Variants in CSMD1 observed in about 807,000 individuals in gnomAD.
CSMD1 encodes CUB and Sushi multiple domains 1, also known as CUB and sushi domain-containing protein 1.
A neutral mutation model predicts 417.5 loss-of-function variants in CSMD1; 213 were observed. That is an observed-to-expected ratio of 0.51 (90% CI 0.46 to 0.57). The LOEUF (loss-of-function observed/expected upper bound fraction) is 0.57, where lower values mean the gene tolerates loss of function less well. Ranked by LOEUF, CSMD1 falls within the 20% of genes least tolerant of loss-of-function variation. The pLI, the probability that CSMD1 is intolerant of heterozygous loss-of-function variation, is 0.00. For missense variants in CSMD1, 6,923 were observed against 4,529.7 expected (o/e 1.53, Z -15.17); for synonymous variants, 2,862 against 1,736.8 (o/e 1.65, Z -16.11).
chr8:3,863,214 T>C (rs1055924590), intron 5 of CSMD1, among the ~76,000 whole-genome samples: 3 of 151,940 alleles, frequency 2.0e-5, no homozygotes, highest in African/African-American at 4.8e-5. Context: ...CTGGCCAACA[T>C]AGTGAAACCC....
intron 69 of CSMD1, among the ~76,000 whole-genome samples, chr8:2,941,196 A>T (rs974533840): frequency 6.6e-6 from 1 of 152,206 alleles, no homozygotes; most frequent in Non-Finnish European, 1.5e-5. Flanking sequence ...TTAAAGAAAG[A>T]ACATTACTAG....
chr8:4,459,679 G>A (rs1043397956), intron 2 of CSMD1, among the ~76,000 whole-genome samples: 1 of 152,136 alleles, frequency 6.6e-6, no homozygotes, highest in Non-Finnish European at 1.5e-5. Context: ...AAAGAAGTGT[G>A]GACATAAGAA....
At chr8:4,770,333 A>AAT (rs544514438) in intron 1 of CSMD1, among the ~76,000 whole-genome samples, 353 of 148,266 alleles carry the variant, frequency 2.4e-3, no homozygotes, top group African/African-American at 8.2e-3. Flanking sequence ...TGTACATAGA[A>AAT]ATATATATAT....
At chr8:3,948,682 G>C (rs1354281742) in intron 5 of CSMD1, among the ~76,000 whole-genome samples, 2 of 152,060 alleles carry the variant, frequency 1.3e-5, no homozygotes, top group South Asian at 2.1e-4. Context: ...GGACCAATGA[G>C]TTCTATTCCA....
chr8:4,069,835 G>A lies in CSMD1; in HGVS notation c.416-37736C>T, dbSNP rs535603609. ...CTCACTACTGAAAGAATATCGAAAT[G>A]AAGACTTCTACAAAAGTCTTCTATC... On this transcript the variant is annotated intron_variant, in intron 3 of 69. Coordinates refer to ENST00000635120, the MANE Select transcript of CSMD1 (RefSeq NM_033225.6). 2.0e-4 allele frequency among the ~76,000 whole-genome samples: 30 copies of A among 152,288 alleles called. No individual in the cohort carries two copies. The South Asian group carries it at 6.0e-3, about 31-fold the overall frequency.
chr8:3,163,388 T>G (rs1326550176), intron 37 of CSMD1, among the ~76,000 whole-genome samples: 1 of 147,350 alleles, frequency 6.8e-6, no homozygotes, highest in South Asian at 2.1e-4. Context: ...GTGGAGGAGG[T>G]GAGTAGGACT....
intron 50 of CSMD1, among the ~76,000 whole-genome samples, chr8:3,043,547 C>A (rs922849290): frequency 6.6e-6 from 1 of 151,822 alleles, no homozygotes; most frequent in Non-Finnish European, 1.5e-5. Context: ...CTCATGGTGC[C>A]CAGCATAGAG....
At chr8:4,812,047 C>A (rs1294904862) in intron 1 of CSMD1, among the ~76,000 whole-genome samples, 12 of 152,162 alleles carry the variant, frequency 7.9e-5, no homozygotes, top group Admixed American at 6.6e-4. Flanking sequence ...AAGACAAGGT[C>A]CTGTCATTTA....
intron 3 of CSMD1, among the ~76,000 whole-genome samples, chr8:4,190,506 C>T (rs998540149): frequency 1.3e-5 from 2 of 150,452 alleles, no homozygotes; most frequent in South Asian, 4.2e-4. Flanking sequence ...ATAATACAAT[C>T]AGGAATACAA....
chr8:3,428,711 C>A (rs1352760783), intron 12 of CSMD1, among the ~76,000 whole-genome samples: 1 of 151,990 alleles, frequency 6.6e-6, no homozygotes, highest in Non-Finnish European at 1.5e-5. Context: ...GGGCATATAC[C>A]CAACAGAAAT....
chr8:4,144,252 G>C (rs1222162550), intron 3 of CSMD1, among the ~76,000 whole-genome samples: 1 of 150,892 alleles, frequency 6.6e-6, no homozygotes, highest in Non-Finnish European at 1.5e-5. Flanking sequence ...TAAGTTCCCT[G>C]CCTCAAGACC....
At chr8:4,281,364 T>C (rs4304342) in intron 3 of CSMD1, among the ~76,000 whole-genome samples, 51,244 of 151,968 alleles carry the variant, frequency 0.34, 8,984 homozygotes, top group East Asian at 0.59. Flanking sequence ...CGGCATAAGG[T>C]CTTTGCATAA....
chr8:4,377,582 A>C (rs978077831), intron 3 of CSMD1, among the ~76,000 whole-genome samples: 3 of 152,220 alleles, frequency 2.0e-5, no homozygotes, highest in African/African-American at 4.8e-5. Context: ...CGAAGAAGCC[A>C]AGTAAATTCT....
rs1288213114 is a variant in CSMD1, at chr8:3,754,059, G to C, written c.819-17C>G. The C allele has an allele frequency of 3.8e-6, 6 of 1,566,490 alleles. No homozygotes were observed. The highest frequency in any genetic ancestry group is 4.4e-6 in the Non-Finnish European group (5 of 1,143,448). ...CCAGTTAGCCTAGAGAAGAGAAAGA[G>C]GAAAAAAATCTCCCTTGTAAACCAA... On this transcript the variant is annotated splice_polypyrimidine_tract_variant and intron_variant, in intron 5 of 69. Coordinates refer to ENST00000635120, the MANE Select transcript of CSMD1 (RefSeq NM_033225.6).
At chr8:3,712,992 T>C (rs1348307183) in intron 6 of CSMD1, among the ~76,000 whole-genome samples, 2 of 152,140 alleles carry the variant, frequency 1.3e-5, no homozygotes, top group Non-Finnish European at 2.9e-5. Flanking sequence ...GAGTTGACTT[T>C]AGGTTTTCTC....
chr8:4,370,614 G>A (rs972834329), intron 3 of CSMD1, among the ~76,000 whole-genome samples: 46 of 152,070 alleles, frequency 3.0e-4, no homozygotes, highest in Non-Finnish European at 8.8e-5. Context: ...CATATTTTTG[G>A]AAGTTTTGTC....
At chr8:4,614,419 G>C (rs1253301301) in intron 2 of CSMD1, among the ~76,000 whole-genome samples, 3 of 152,142 alleles carry the variant, frequency 2.0e-5, no homozygotes, top group East Asian at 1.9e-4. Flanking sequence ...AGAAAATCCA[G>C]CACCTAAATA....
chr8:4,433,309 C>T (rs760232133), intron 2 of CSMD1, among the ~76,000 whole-genome samples: 1 of 152,150 alleles, frequency 6.6e-6, no homozygotes, highest in Non-Finnish European at 1.5e-5. Flanking sequence ...CTGGCTTCCA[C>T]GAAACTGGTC....
chr8:3,739,193 G>A (rs1484015086), intron 6 of CSMD1, among the ~76,000 whole-genome samples: 2 of 152,146 alleles, frequency 1.3e-5, no homozygotes, highest in Admixed American at 6.5e-5. Context: ...GATACTGTAA[G>A]GAATGCAATC....
Sources: gnomAD v4.1 joint callset for allele counts (sites outside exome capture counted in the v4.1 genomes callset) on GRCh38, gnomAD v4.1.1 for gene constraint, MANE v1.5 for transcripts, NCBI Gene and HGNC (gene_info 2026-07-23, HGNC 2026-07-21) for gene names.